The following CHST11 variants were observed in gnomAD, a reference collection of about 807,000 sequenced individuals.
CHST11 encodes the protein carbohydrate sulfotransferase 11.
CHST11 carries 9 observed loss-of-function variants against 30.4 expected under a neutral mutation model. The ratio of observed to expected loss-of-function variants is 0.30; its 90% CI spans 0.18 to 0.52. CHST11 has a LOEUF of 0.52. Among genes scored for constraint, CHST11 ranks in the 20% least tolerant of loss-of-function variants. CHST11 has a pLI of 0.97. For synonymous variants in CHST11, 152 were observed against 187.8 expected, an observed-to-expected ratio of 0.81 and a Z score of 1.56; for missense variants, 348 against 460.6, an observed-to-expected ratio of 0.76 and a Z score of 2.24.
intron 1 of CHST11, among the ~76,000 whole-genome samples, chr12:104,459,642 C>A (rs1219735674): frequency 6.6e-6 from 1 of 152,098 alleles, no homozygotes; most frequent in Non-Finnish European, 1.5e-5. Context: ...AATTTCCAGC[C>A]CTTGTTAGTC....
Position 104,458,258 on chromosome 12 carries a change from C to G in CHST11, c.118+729C>G, listed in dbSNP as rs773585520. 2.0e-5 allele frequency among the ~76,000 whole-genome samples: 3 copies of G among 152,196 alleles called. No individual in the cohort carries two copies. Among genetic ancestry groups the G allele is most frequent in the Non-Finnish European group, 4.4e-5 (3 of 68,020 alleles). On this transcript the variant is annotated intron_variant, in intron 1 of 2. Transcript: ENST00000303694. The surrounding 1 kb of genome is among the most constrained non-coding windows in gnomAD (Gnocchi z 5.7). ...CCAGCCCTGAGCTGGAAACTCCGAGCTCCTGGGTCACGCCTTGACCACTGC... is the reference window on the plus strand; with the variant it reads ...CCAGCCCTGAGCTGGAAACTCCGAGGTCCTGGGTCACGCCTTGACCACTGC...
chr12:104,637,411 C>A (rs536957640), intron 2 of CHST11, among the ~76,000 whole-genome samples: 1 of 148,764 alleles, frequency 6.7e-6, no homozygotes, highest in Admixed American at 6.7e-5. Context: ...GGGTGCAGCA[C>A]ACCAACATGG....
intron 2 of CHST11, among the ~76,000 whole-genome samples, chr12:104,626,434 C>G (rs1378089172): frequency 6.6e-6 from 1 of 152,058 alleles, no homozygotes; most frequent in Non-Finnish European, 1.5e-5. Context: ...ACCTTAAAAG[C>G]AGCATTCACC....
chr12:104,603,453 G>GCGTCTGT (rs2038975954), intron 2 of CHST11, among the ~76,000 whole-genome samples: 1 of 152,222 alleles, frequency 6.6e-6, no homozygotes, highest in African/African-American at 2.4e-5. Flanking sequence ...TCCATGGACT[G>GCGTCTGT]CGTCTGTCCT....
intron 1 of CHST11, among the ~76,000 whole-genome samples, chr12:104,501,481 A>G (rs1484179118): frequency 6.6e-6 from 1 of 152,198 alleles, no homozygotes; most frequent in African/African-American, 2.4e-5. Flanking sequence ...GTGGCCTAGC[A>G]TTTGGTGGTC....
chr12:104,481,936 C>G (rs1306667399), intron 1 of CHST11, among the ~76,000 whole-genome samples: 1 of 150,724 alleles, frequency 6.6e-6, no homozygotes, highest in South Asian at 2.1e-4. Context: ...CTCCCATGTT[C>G]AAGCAATTCT....
chr12:104,654,156 G>A (rs910828771), intron 2 of CHST11, among the ~76,000 whole-genome samples: 3 of 152,256 alleles, frequency 2.0e-5, no homozygotes, highest in Non-Finnish European at 4.4e-5. Flanking sequence ...CCTTCAGTAA[G>A]GGGAGCTTTT....
At chr12:104,495,897 A>C (rs915018086) in intron 1 of CHST11, among the ~76,000 whole-genome samples, 2 of 152,160 alleles carry the variant, frequency 1.3e-5, no homozygotes, top group African/African-American at 2.4e-5. Flanking sequence ...GACCCATATC[A>C]AGAAAGTTAT....
chr12:104,707,741 CACAT>C (rs1157059522), intron 2 of CHST11, among the ~76,000 whole-genome samples: 2 of 152,222 alleles, frequency 1.3e-5, no homozygotes, highest in Non-Finnish European at 2.9e-5. Flanking sequence ...TTTACACACT[CACAT>C]ACAAATGCAC....
intron 1 of CHST11, among the ~76,000 whole-genome samples, chr12:104,582,461 C>G (rs981353035): frequency 1.3e-5 from 2 of 152,260 alleles, no homozygotes; most frequent in Non-Finnish European, 1.5e-5. Flanking sequence ...TATGTTGCCC[C>G]TGCCCCATCA....
At chr12:104,625,684 A>T (rs2039207894) in intron 2 of CHST11, among the ~76,000 whole-genome samples, 1 of 152,190 alleles carries the variant, frequency 6.6e-6, no homozygotes, top group South Asian at 2.1e-4. Context: ...AAAATTTCTG[A>T]ACTGTCTTCT....
chr12:104,549,793 G>A (rs1377321588), intron 1 of CHST11, among the ~76,000 whole-genome samples: 3 of 152,170 alleles, frequency 2.0e-5, no homozygotes, highest in Admixed American at 2.0e-4. Flanking sequence ...TGTAGTCCCA[G>A]CTACTCGGGA....
Position 104,729,465 on chromosome 12 carries a change from A to T in CHST11, c.205-27484A>T, listed in dbSNP as rs1338740980. On this transcript the variant is annotated intron_variant, in intron 2 of 2. Coordinates refer to ENST00000303694, the MANE Select transcript of CHST11 (RefSeq NM_018413.6). The surrounding 1 kb of genome is among the most constrained non-coding windows in gnomAD (Gnocchi z 4.0). Reference sequence around the variant, plus strand: ...CCCAAATGATTTGTGAAGAATGCAGATTCCTGTGCCCAGATTGGGTTTCTG... The same window carrying T: ...CCCAAATGATTTGTGAAGAATGCAGTTTCCTGTGCCCAGATTGGGTTTCTG... Among the ~76,000 whole-genome samples, 5 of 152,162 alleles carry T rather than the reference A, an allele frequency of 3.3e-5. No individual in the cohort carries two copies. Among genetic ancestry groups the T allele is most frequent in the African/African-American group, 1.2e-4 (5 of 41,444 alleles).
chr12:104,710,432 A>G (rs2040077568), intron 2 of CHST11, among the ~76,000 whole-genome samples: 1 of 151,990 alleles, frequency 6.6e-6, no homozygotes, highest in South Asian at 2.1e-4. Flanking sequence ...TTTCCTTAAT[A>G]AGGCTTCATT....
chr12:104,523,184 G>A (rs2038090109), intron 1 of CHST11, among the ~76,000 whole-genome samples: 1 of 152,250 alleles, frequency 6.6e-6, no homozygotes, highest in Non-Finnish European at 1.5e-5. Context: ...GCTTTAAGAT[G>A]GAGTGGTGAG....
intron 1 of CHST11, among the ~76,000 whole-genome samples, chr12:104,580,757 A>G (rs765875506): frequency 5.2e-4 from 79 of 152,166 alleles, no homozygotes; most frequent in Non-Finnish European, 4.1e-4. Flanking sequence ...GGGAATTTTC[A>G]TATTTCTTGT....
At chr12:104,581,448 T>C (rs915103511) in intron 1 of CHST11, among the ~76,000 whole-genome samples, 1 of 152,228 alleles carries the variant, frequency 6.6e-6, no homozygotes, top group Non-Finnish European at 1.5e-5. Context: ...TATCCCTATT[T>C]ATTTATTTGA....
chr12:104,740,592 G>A (rs1203052888), intron 2 of CHST11, among the ~76,000 whole-genome samples: 2 of 152,216 alleles, frequency 1.3e-5, no homozygotes, highest in Admixed American at 6.5e-5. Flanking sequence ...GAAAATCAGA[G>A]GGTGGTATCA....
At chr12:104,465,540 G>C (rs562693809) in intron 1 of CHST11, among the ~76,000 whole-genome samples, 2 of 152,318 alleles carry the variant, frequency 1.3e-5, no homozygotes, top group Non-Finnish European at 2.9e-5. Context: ...ATGTACTGTG[G>C]TTGTTTGTTT....
Sources: gnomAD v4.1 joint callset for allele counts (sites outside exome capture counted in the v4.1 genomes callset) on GRCh38, gnomAD v4.1.1 for gene constraint, Gnocchi (gnomAD v3.1) non-coding constraint, MANE v1.5 for transcripts, NCBI Gene and HGNC (gene_info 2026-07-23, HGNC 2026-07-21) for gene names.